The following KIF2C variants were observed in gnomAD, a reference collection of about 807,000 sequenced individuals.
KIF2C encodes the protein kinesin-like protein KIF2C.
In KIF2C, 34 loss-of-function variants were observed where a neutral mutation model predicts 97.4. The observed-to-expected ratio is 0.35, with a 90% CI of 0.27 to 0.46. KIF2C has a LOEUF of 0.46. Ranked by LOEUF, KIF2C falls within the 20% of genes least tolerant of loss-of-function variation. The pLI, the probability that KIF2C is intolerant of heterozygous loss-of-function variation, is 1.00. For synonymous variants in KIF2C, 313 were observed against 318.2 expected (o/e 0.98, Z 0.17); for missense variants, 750 against 907.6 (o/e 0.83, Z 2.23).
chr1:44,740,135 C>T (rs1041525540), intron 1 of KIF2C, 133 bp downstream of exon 1: 1 of 1,062,934 alleles, frequency 9.4e-7, no homozygotes, highest in South Asian at 1.3e-5. Flanking sequence ...GCACTCACTC[C>T]GGGTCTCTGC....
At chr1:44,743,621 C>T (rs1649040964) in intron 2 of KIF2C, among the ~76,000 whole-genome samples, 1 of 152,116 alleles carries the variant, frequency 6.6e-6, no homozygotes, top group African/African-American at 2.4e-5. Flanking sequence ...AAGACCTCAT[C>T]TCTACTAAAA....
intron 2 of KIF2C, among the ~76,000 whole-genome samples, chr1:44,745,753 A>T (rs1257252708): frequency 6.6e-6 from 1 of 151,892 alleles, no homozygotes; most frequent in East Asian, 1.9e-4. Context: ...TACAGACGTG[A>T]GCCACCACGC....
At chr1:44,753,937 C>A in intron 7 of KIF2C, 104 bp downstream of exon 7, 1 of 435,994 alleles carries the variant, frequency 2.3e-6, no homozygotes. Flanking sequence ...TTCTGAGGCT[C>A]CAGTTCTTGA....
intron 10 of KIF2C, among the ~76,000 whole-genome samples, chr1:44,757,029 TG>T (rs1296506281): frequency 6.6e-6 from 1 of 152,118 alleles, no homozygotes; most frequent in Non-Finnish European, 1.5e-5. Context: ...GCAATTCTCC[TG>T]CCCCAGCCTC....
chr1:44,761,827 AAC>A (rs1327481510), intron 16 of KIF2C, 87 bp from the exon 17 acceptor site: 1 of 1,249,480 alleles, frequency 8.0e-7, no homozygotes, highest in Non-Finnish European at 1.2e-6. Context: ...AGCTTGAAGA[AAC>A]ACCCTGACTG....
chr1:44,749,845 G>A (rs148672935), intron 4 of KIF2C, among the ~76,000 whole-genome samples: 1,570 of 151,830 alleles, frequency 0.01, 15 homozygotes, highest in Non-Finnish European at 0.015. Flanking sequence ...TTGGGAGGCC[G>A]AGGCGGGTGG....
At chr1:44,759,032 T>A (rs1179424362) in intron 13 of KIF2C, 174 bp from the exon 14 acceptor site, 2 of 736,052 alleles carry the variant, frequency 2.7e-6, no homozygotes, top group East Asian at 5.6e-5. Flanking sequence ...CTGAGGCAGT[T>A]CGGCTCAGAT....
In KIF2C at chr1:44,756,130, G is replaced by A. The variant is rs751925624; in HGVS notation, c.870G>A (p.Leu290=). 5.0e-6 allele frequency: 8 copies of A among 1,614,038 alleles called. No homozygotes were observed. Among genetic ancestry groups the A allele is most frequent in the Middle Eastern group, 1.6e-4 (1 of 6,082 alleles). ...VISIPSKCLL[L]VHEPKLKVDL... ...CCATTCCTAGCAAGTGTCTCCTCTT[G>A]GTACATGAACCCAAGTTGAAAGTGG... Residue 290 remains leucine, a synonymous_variant, in exon 10 of 21, where the codon TTG becomes TTA. Transcript: ENST00000372224.
Position 44,767,361 on chromosome 1 carries a change from C to T in KIF2C, c.*182C>T. 1 of 561,212 alleles carries T rather than the reference C, an allele frequency of 1.8e-6. No individual in the cohort carries two copies. The highest frequency in any genetic ancestry group is 4.7e-4 in the Middle Eastern group (1 of 2,130). The allele number at this position is 561,212 out of a possible 1,614,324, so 34.8% of individuals were successfully genotyped here. On this transcript the variant is annotated 3_prime_UTR_variant, in exon 21 of 21. Coordinates refer to ENST00000372224, the MANE Select transcript of KIF2C (RefSeq NM_006845.4). ...GAGGGGGTCAGAGTGACATGGGACA[C>T]TCCTTTTCTGTTCCTCAGTTGTCGC...
intron 4 of KIF2C, among the ~76,000 whole-genome samples, chr1:44,748,575 T>C (rs1170898460): frequency 6.6e-6 from 1 of 152,176 alleles, no homozygotes; most frequent in Non-Finnish European, 1.5e-5. Flanking sequence ...GGGTCTCACT[T>C]GGTTGTCCAT....
intron 19 of KIF2C, among the ~76,000 whole-genome samples, chr1:44,763,899 G>A (rs1041905601): frequency 8.5e-5 from 13 of 152,198 alleles, no homozygotes; most frequent in African/African-American, 2.6e-4. Context: ...CGAGTATGGT[G>A]GCGGGCGCCT....
At chr1:44,759,710 A>C (rs775194861) in intron 14 of KIF2C, among the ~76,000 whole-genome samples, 1 of 152,150 alleles carries the variant, frequency 6.6e-6, no homozygotes, top group African/African-American at 2.4e-5. Flanking sequence ...AATAAAAACA[A>C]GTCAAAGTGT....
chr1:44,750,622 G>C, intron 5 of KIF2C, 58 bp downstream of exon 5: 1 of 1,399,110 alleles, frequency 7.1e-7, no homozygotes, highest in Non-Finnish European at 9.4e-7. Flanking sequence ...ACATTGCTTG[G>C]TCCCTGTGCT....
chr1:44,740,939 AC>A lies in KIF2C; in HGVS notation c.98del (p.Thr33MetfsTer2). The A allele has an allele frequency of 6.2e-6, 10 of 1,613,780 alleles. No homozygotes were observed. Among genetic ancestry groups the A allele is most frequent in the Non-Finnish European group, 8.5e-6 (10 of 1,179,758 alleles). On this transcript the variant is annotated frameshift_variant, in exon 2 of 21. Transcript: ENST00000372224. LOFTEE classifies it high-confidence loss of function. ...NGLIHSANVRTVNLEKSCVSV... is the reference protein window; with the variant it reads ...NGLIHSANVRXVNLEKSCVSV... Reference sequence around the variant, plus strand: ...TTTAATTCACAGTGCCAATGTAAGGACTGTGAACTTGGAGAAATCCTGTGTT... The same window carrying A: ...TTTAATTCACAGTGCCAATGTAAGGATGTGAACTTGGAGAAATCCTGTGTT...
At chr1:44,748,444 T>C (rs1003764311) in intron 4 of KIF2C, among the ~76,000 whole-genome samples, 2 of 152,140 alleles carry the variant, frequency 1.3e-5, no homozygotes, top group African/African-American at 4.8e-5. Context: ...GTGCTGGCCC[T>C]TTCTTGCTGG....
rs879757305 is a variant in KIF2C, at chr1:44,761,607, C to CA, written c.1684-297dup. ...TGGGCGACAGAGTGAGACTCCGTCT[C>CA]AAAAAAAAAAAAGAAAAAAGAAAAA... On this transcript the variant is annotated intron_variant, in intron 16 of 20. Transcript: ENST00000372224. Among the ~76,000 whole-genome samples the CA allele has an allele frequency of 3.7e-3, 432 of 116,616 alleles. 3 individuals carry two copies. The highest frequency in any genetic ancestry group is 0.011 in the African/African-American group (348 of 31,296). 76.5% of individuals were successfully genotyped at this position (116,616 alleles called of 152,430 possible).
chr1:44,761,878 T>C lies in KIF2C; in HGVS notation c.1684-38T>C, dbSNP rs1431808163. The C allele has an allele frequency of 1.9e-6, 3 of 1,600,222 alleles. No homozygotes were observed. In the African/African-American group the frequency reaches 4.0e-5, roughly 21 times the overall value. On this transcript the variant is annotated intron_variant, in intron 16 of 20. Coordinates refer to ENST00000372224, the MANE Select transcript of KIF2C (RefSeq NM_006845.4). ...GACAGGCTATATAGCATCCTCACCG[T>C]GCCTCTCAGCCTTTAATCACCCACC...
chr1:44,752,116 G>A (rs1018654936), intron 5 of KIF2C, among the ~76,000 whole-genome samples: 6 of 148,084 alleles, frequency 4.1e-5, no homozygotes, highest in South Asian at 2.1e-4. Flanking sequence ...CACTGCGCCC[G>A]GCCTATATTA....
At chr1:44,749,289 C>T (rs1649382540) in intron 4 of KIF2C, among the ~76,000 whole-genome samples, 1 of 152,060 alleles carries the variant, frequency 6.6e-6, no homozygotes, top group Non-Finnish European at 1.5e-5. Flanking sequence ...CAAAAATTAG[C>T]CAGGCGTGGT....
Sources: allele counts gnomAD v4.1 joint callset (sites outside exome capture counted in the v4.1 genomes callset), GRCh38; gene constraint gnomAD v4.1.1; transcripts MANE v1.5; gene names NCBI Gene and HGNC (gene_info 2026-07-23, HGNC 2026-07-21).